Variants in RAP1B observed in about 807,000 individuals in gnomAD.
RAP1B encodes the protein ras-related protein Rap-1b.
Under a neutral mutation model 27.5 loss-of-function variants are expected in RAP1B, and 1 was observed. That is an observed-to-expected ratio of 0.04 (90% confidence interval 0.01 to 0.17). The LOEUF is 0.17. Among genes scored for constraint, RAP1B ranks in the 10% least tolerant of loss-of-function variants. The pLI is 1.00. For missense variants in RAP1B, 84 were observed against 214.8 expected (o/e 0.39, Z 3.81); for synonymous variants, 75 against 73.1 (o/e 1.03, Z -0.13).
At chr12:68,647,175 TG>T (rs1305771816) in intron 1 of RAP1B, among the ~76,000 whole-genome samples, 6 of 152,094 alleles carry the variant, frequency 3.9e-5, no homozygotes, top group African/African-American at 1.2e-4. Flanking sequence ...GCCTCGGCTT[TG>T]CGAGTAGCTG....
chr12:68,671,006 C>T lies in RAP1B; in HGVS notation c.*11757C>T, dbSNP rs1292327240. 7 of 124,464 alleles carry T rather than the reference C, an allele frequency of 5.6e-5. No homozygotes were observed. Among genetic ancestry groups the T allele is most frequent in the Admixed American group, 9.5e-5 (1 of 10,528 alleles). 7.7% of individuals were successfully genotyped at this position (124,464 alleles called of 1,614,324 possible). On this transcript the variant is annotated 3_prime_UTR_variant, in exon 8 of 8. Coordinates refer to ENST00000250559, the MANE Select transcript of RAP1B (RefSeq NM_001010942.3). ...TGGTGCCATTGCACTCCAGCCTGGG[C>T]AACAAGAGTGATACTCCGTTTAAAA...
intron 7 of RAP1B, chr12:68,657,763 CACACA>C (rs1874316332): frequency 6.6e-6 from 1 of 151,118 alleles, no homozygotes. Context: ...CACACACACA[CACACA>C]CACACGTGCG....
chr12:68,613,287 G>A (rs548581017), intron 1 of RAP1B, among the ~76,000 whole-genome samples: 1 of 151,182 alleles, frequency 6.6e-6, no homozygotes, highest in Non-Finnish European at 1.5e-5. Flanking sequence ...AACCTGGGAG[G>A]TTCACATTGA....
chr12:68,613,913 A>T (rs1328340765), intron 1 of RAP1B, among the ~76,000 whole-genome samples: 2 of 152,130 alleles, frequency 1.3e-5, no homozygotes, highest in Non-Finnish European at 2.9e-5. Flanking sequence ...GAATTCCAAT[A>T]TTTTCTCTTA....
rs1449627301 is a variant in RAP1B at position 68,669,961 on chromosome 12, A to G, written c.*10712A>G. On this transcript the variant is annotated 3_prime_UTR_variant, in exon 8 of 8. Coordinates refer to ENST00000250559, the MANE Select transcript of RAP1B (RefSeq NM_001010942.3). ...TTTTTTTTTTTTTTTTTTTTGAGACAGTTTCCCTCTTGTTGCCCAGACTGG... is the reference window on the plus strand; with the variant it reads ...TTTTTTTTTTTTTTTTTTTTGAGACGGTTTCCCTCTTGTTGCCCAGACTGG... 8.9e-6 allele frequency: 1 copy of G among 112,492 alleles called. No individual in the cohort carries two copies. The highest frequency in any genetic ancestry group is 3.6e-5 in the African/African-American group (1 of 27,994). The allele number at this position is 112,492 out of a possible 1,614,324, so 7.0% of individuals were successfully genotyped here. A position where few individuals can be genotyped will look rare whatever the true frequency, so the allele number is the denominator to read the frequency against.
Position 68,659,809 on chromosome 12 carries a change from C to G in RAP1B, c.*560C>G, listed in dbSNP as rs1189574423. 1.3e-5 allele frequency: 2 copies of G among 152,284 alleles called. No homozygotes were observed. Among genetic ancestry groups the G allele is most frequent in the Non-Finnish European group, 2.9e-5 (2 of 67,990 alleles). The allele number at this position is 152,284 out of a possible 1,614,324, so 9.4% of individuals were successfully genotyped here. ...ATAGTTTTTTTAATTTTTAAAAAAC[C>G]TGTGGAGACGGTGATCTTGTCTTTA... On this transcript the variant is annotated 3_prime_UTR_variant, in exon 8 of 8. Coordinates refer to ENST00000250559, the MANE Select transcript of RAP1B (RefSeq NM_001010942.3).
In RAP1B at chr12:68,663,844, A is replaced by G. The variant is rs1015820708; in HGVS notation, c.*4595A>G. 2 of 152,208 alleles carry G rather than the reference A, an allele frequency of 1.3e-5. No individual in the cohort carries two copies. The highest frequency in any genetic ancestry group is 2.1e-4 in the South Asian group (1 of 4,834). The allele number at this position is 152,208 out of a possible 1,614,324, so 9.4% of individuals were successfully genotyped here. On this transcript the variant is annotated 3_prime_UTR_variant, in exon 8 of 8. Transcript: ENST00000250559. Reference sequence around the variant, plus strand: ...CAGGGATTTTCTGCCCACGTGGGGAAAACACACAGCAAATGAACAAAGCTC... The same window carrying G: ...CAGGGATTTTCTGCCCACGTGGGGAGAACACACAGCAAATGAACAAAGCTC...
intron 3 of RAP1B, 80 bp downstream of exon 3, chr12:68,650,548 T>C: frequency 3.4e-6 from 4 of 1,169,384 alleles, no homozygotes; most frequent in South Asian, 2.0e-5. Context: ...TTGAATGTTT[T>C]ATACAAAGGA....
chr12:68,629,004 T>C (rs1210197064), intron 1 of RAP1B, among the ~76,000 whole-genome samples: 1 of 148,234 alleles, frequency 6.7e-6, no homozygotes, highest in Non-Finnish European at 1.5e-5. Context: ...ATTTATTTAT[T>C]TATCTTCTAT....
chr12:68,639,859 G>T (rs61351423), intron 1 of RAP1B, among the ~76,000 whole-genome samples: 7,966 of 136,860 alleles, frequency 0.058, 681 homozygotes, highest in African/African-American at 0.2. Context: ...TTTTTTTTTT[G>T]GGAGACTGAG....
chr12:68,649,752 C>CTCA (rs879423083), intron 2 of RAP1B: 9 of 152,132 alleles, frequency 5.9e-5, no homozygotes, highest in Admixed American at 6.5e-5. Context: ...GTCAGTTGAT[C>CTCA]CTGCATGTAT....
At chr12:68,642,395 G>A in intron 1 of RAP1B, 1 of 499,462 alleles carries the variant, frequency 2.0e-6, no homozygotes, top group South Asian at 2.6e-5. Context: ...TTAGCAATGA[G>A]AGATATTGGC....
chr12:68,614,254 A>G (rs1424051849), intron 1 of RAP1B, among the ~76,000 whole-genome samples: 1 of 152,204 alleles, frequency 6.6e-6, no homozygotes, highest in Non-Finnish European at 1.5e-5. Context: ...AATTTGACCG[A>G]TTTTACAAGG....
rs1330302801 is a variant in RAP1B, at chr12:68,671,786, T to A, written c.*12537T>A. On this transcript the variant is annotated 3_prime_UTR_variant, in exon 8 of 8. Coordinates refer to ENST00000250559, the MANE Select transcript of RAP1B (RefSeq NM_001010942.3). Reference sequence around the variant, plus strand: ...ATTGTCAGTAACAAGTAAATAACATTTTCTGGAATATAAAAAAAAAAGCTA... The same window carrying A: ...ATTGTCAGTAACAAGTAAATAACATATTCTGGAATATAAAAAAAAAAGCTA... 1 of 151,976 alleles carries A rather than the reference T, an allele frequency of 6.6e-6. No individual in the cohort carries two copies. Among genetic ancestry groups the A allele is most frequent in the African/African-American group, 2.4e-5 (1 of 41,370 alleles). The allele number at this position is 151,976 out of a possible 1,614,324, so 9.4% of individuals were successfully genotyped here.
chr12:68,619,929 T>C (rs1426768457), intron 1 of RAP1B, among the ~76,000 whole-genome samples: 2 of 152,220 alleles, frequency 1.3e-5, no homozygotes, highest in Non-Finnish European at 2.9e-5. Flanking sequence ...TATACCTGAC[T>C]GCTCATCTAT....
At chr12:68,655,081 C>T (rs1874104196) in intron 5 of RAP1B, among the ~76,000 whole-genome samples, 1 of 151,908 alleles carries the variant, frequency 6.6e-6, no homozygotes, top group Non-Finnish European at 1.5e-5. Flanking sequence ...GAGGCCAAGG[C>T]GGGTAGATCC....
At chr12:68,631,177 C>A (rs982727396) in intron 1 of RAP1B, among the ~76,000 whole-genome samples, 5 of 152,098 alleles carry the variant, frequency 3.3e-5, no homozygotes, top group African/African-American at 1.2e-4. Flanking sequence ...GCATATGATA[C>A]CTACCCTGGC....
chr12:68,664,163 A>G lies in RAP1B; in HGVS notation c.*4914A>G, dbSNP rs954279171. 8 of 152,184 alleles carry G rather than the reference A, an allele frequency of 5.3e-5. No homozygotes were observed. Among genetic ancestry groups the G allele is most frequent in the African/African-American group, 1.9e-4 (8 of 41,450 alleles). The allele number at this position is 152,184 out of a possible 1,614,324, so 9.4% of individuals were successfully genotyped here. ...TTCCTGAAAACAAAACAGCACACAC[A>G]TATATTACAGGATTTTTATGTAATA... is the stretch of plus-strand genomic sequence containing the variant. On this transcript the variant is annotated 3_prime_UTR_variant, in exon 8 of 8. Transcript: ENST00000250559.
chr12:68,655,999 A>G (rs1206350053), intron 5 of RAP1B, among the ~76,000 whole-genome samples: 1 of 152,184 alleles, frequency 6.6e-6, no homozygotes. Context: ...ATTTATGTCT[A>G]CATTGACTAG....
Sources: allele counts gnomAD v4.1 joint callset (sites outside exome capture counted in the v4.1 genomes callset), GRCh38; gene constraint gnomAD v4.1.1; transcripts MANE v1.5; gene names NCBI Gene and HGNC (gene_info 2026-07-23, HGNC 2026-07-21).